The following MTMR3 variants were observed in gnomAD, a reference collection of about 807,000 sequenced individuals.
The protein encoded by MTMR3 is myotubularin related protein 3.
Under a neutral mutation model 132.4 loss-of-function variants are expected in MTMR3, and 32 were observed. The ratio of observed to expected loss-of-function variants is 0.24; its 90% CI spans 0.18 to 0.32. The LOEUF (loss-of-function observed/expected upper bound fraction) is 0.32. Among genes scored for constraint, MTMR3 ranks in the 10% least tolerant of loss-of-function variants. MTMR3 has a pLI of 1.00. For missense variants in MTMR3, 1,216 were observed against 1,489.6 expected, an observed-to-expected ratio of 0.82 and a Z score of 3.02; for synonymous variants, 556 against 550.3, an observed-to-expected ratio of 1.01 and a Z score of -0.14.
chr22:29,908,823 T>C (rs1319533636), intron 1 of MTMR3, among the ~76,000 whole-genome samples: 1 of 152,242 alleles, frequency 6.6e-6, no homozygotes, highest in Non-Finnish European at 1.5e-5. Flanking sequence ...TGCTTTTAGC[T>C]ATTTGCTGTA....
At chr22:30,023,360 A>C (rs1267804788) in intron 19 of MTMR3, 4 of 1,224,912 alleles carry the variant, frequency 3.3e-6, no homozygotes, top group Non-Finnish European at 3.6e-6. Flanking sequence ...TTTGCCTAGT[A>C]ATGATGCTTC....
chr22:29,915,191 G>A (rs536130983), intron 1 of MTMR3, among the ~76,000 whole-genome samples: 1 of 152,252 alleles, frequency 6.6e-6, no homozygotes, highest in South Asian at 2.1e-4. Context: ...TGTCTTCTCA[G>A]TAAATTCATT....
At chr22:29,986,501 TG>T (rs1044557423) in intron 5 of MTMR3, 8 of 607,614 alleles carry the variant, frequency 1.3e-5, no homozygotes, top group Admixed American at 1.6e-4. Flanking sequence ...TAGGTTTGTT[TG>T]TTTTTTTTTT....
intron 2 of MTMR3, among the ~76,000 whole-genome samples, chr22:29,969,916 G>A (rs2066499922): frequency 6.6e-6 from 1 of 152,120 alleles, no homozygotes; most frequent in Admixed American, 6.5e-5. Context: ...CTGCTTTTAT[G>A]TTCTCTTGTT....
intron 2 of MTMR3, among the ~76,000 whole-genome samples, chr22:29,962,894 CCTTT>C (rs1422607882): frequency 6.6e-6 from 1 of 150,660 alleles, no homozygotes; most frequent in Non-Finnish European, 1.5e-5. Context: ...GTACTTCATT[CCTTT>C]CTCTCTTTTT....
Position 30,020,871 on chromosome 22 carries a change from T to G in MTMR3, c.3212T>G (p.Phe1071Cys), listed in dbSNP as rs775446395. 1 of 1,591,284 alleles carries G rather than the reference T, an allele frequency of 6.3e-7. No homozygotes were observed. Among genetic ancestry groups the G allele is most frequent in the Admixed American group, 1.8e-5 (1 of 56,164 alleles). ...LTSSLHFNGD[F>C]GDEVTSIPDS... ...AGCTCCCTACACTTTAATGGAGACT[T>G]TGGGGATGAGGTGGTGAGTAGGCTG... Residue 1071 changes from phenylalanine to cysteine, a missense_variant, in exon 17 of 20, where the codon TTT becomes TGT. This residue lies in a region of MTMR3 where 852 missense variants were observed against 852.0 expected (regional missense o/e 1.00). Transcript: ENST00000401950.
chr22:29,987,753 A>T (rs1406914624), intron 5 of MTMR3: 2 of 152,176 alleles, frequency 1.3e-5, no homozygotes, highest in African/African-American at 4.8e-5. Context: ...GCAAGGGGGA[A>T]CCATTCCAGC....
At chr22:29,939,631 T>C (rs1314075303) in intron 1 of MTMR3, among the ~76,000 whole-genome samples, 1 of 151,816 alleles carries the variant, frequency 6.6e-6, no homozygotes, top group African/African-American at 2.4e-5. Flanking sequence ...ACTTTCTATA[T>C]GTATGAAGGT....
intron 9 of MTMR3, chr22:30,006,843 A>C (rs2067282908): frequency 5.1e-6 from 2 of 390,542 alleles, no homozygotes; most frequent in Non-Finnish European, 9.6e-6. Context: ...TTGCAGAGTG[A>C]GCCTCCATGC....
intron 2 of MTMR3, among the ~76,000 whole-genome samples, chr22:29,960,582 G>A (rs1158751374): frequency 1.3e-5 from 2 of 152,198 alleles, no homozygotes; most frequent in South Asian, 2.1e-4. Flanking sequence ...GTATGTACAT[G>A]TACATACTAA....
chr22:30,024,450 C>T (rs923525928), intron 19 of MTMR3: 2 of 152,202 alleles, frequency 1.3e-5, no homozygotes, highest in Admixed American at 6.5e-5. Flanking sequence ...GAACTAGTTA[C>T]GAAGTACAGC....
chr22:29,991,761 C>A, intron 7 of MTMR3, 91 bp downstream of exon 7: 1 of 1,315,844 alleles, frequency 7.6e-7, no homozygotes, highest in Non-Finnish European at 1.0e-6. Context: ...CCTAAGCATT[C>A]ATATATCAAT....
intron 1 of MTMR3, among the ~76,000 whole-genome samples, chr22:29,947,095 C>T (rs1241087450): frequency 6.6e-6 from 1 of 152,168 alleles, no homozygotes; most frequent in Admixed American, 6.5e-5. Context: ...AACATATATA[C>T]ATGTTCTGAC....
Position 30,019,593 on chromosome 22 carries a change from G to T in MTMR3, c.1934G>T (p.Arg645Leu), listed in dbSNP as rs377697724. ...PSLNEKWQEH[R>L]RSLELSSLAG... ...CTGAACGAGAAGTGGCAGGAGCACCGGCGCTCACTAGAGCTGAGCAGCCTG... is the reference window on the plus strand; with the variant it reads ...CTGAACGAGAAGTGGCAGGAGCACCTGCGCTCACTAGAGCTGAGCAGCCTG... The change falls in exon 17 of 20, where the codon CGG becomes CTG. Residue 645 changes from arginine to leucine, a missense_variant. Arg to Leu is a moderately radical substitution (Grantham distance 102). Transcript: ENST00000401950. 8 of 1,613,754 alleles carry T rather than the reference G, an allele frequency of 5.0e-6. No homozygotes were observed. In the East Asian group the frequency reaches 1.8e-4, roughly 36 times the overall value.
intron 1 of MTMR3, among the ~76,000 whole-genome samples, chr22:29,919,034 T>A (rs536043416): frequency 6.6e-6 from 1 of 152,314 alleles, no homozygotes; most frequent in South Asian, 2.1e-4. Flanking sequence ...CCTGAGCCAT[T>A]TCACCCCAGC....
intron 1 of MTMR3, among the ~76,000 whole-genome samples, chr22:29,883,717 C>G (rs1345584794): frequency 6.6e-6 from 1 of 152,194 alleles, no homozygotes; most frequent in Non-Finnish European, 1.5e-5. Flanking sequence ...GTTATTCCCA[C>G]GAACTCCCGG....
intron 3 of MTMR3, among the ~76,000 whole-genome samples, chr22:29,976,274 A>G (rs1196999502): frequency 1.3e-5 from 2 of 152,124 alleles, no homozygotes; most frequent in Non-Finnish European, 2.9e-5. Flanking sequence ...AACTAATACT[A>G]TCTTTTGTTG....
chr22:29,924,437 C>T (rs1569006584), intron 1 of MTMR3, among the ~76,000 whole-genome samples: 2 of 151,326 alleles, frequency 1.3e-5, no homozygotes, highest in Non-Finnish European at 3.0e-5. Context: ...ATTTTTATGC[C>T]AGTTTCCTCA....
At chr22:29,919,313 A>G (rs1825179905) in intron 1 of MTMR3, among the ~76,000 whole-genome samples, 1 of 152,272 alleles carries the variant, frequency 6.6e-6, no homozygotes, top group Admixed American at 6.5e-5. Flanking sequence ...AAAGTAAATG[A>G]CATTTTGTCT....
Sources: gnomAD v4.1 joint callset for allele counts (sites outside exome capture counted in the v4.1 genomes callset) on GRCh38, gnomAD v4.1.1 for gene constraint, gnomAD v4.1.1 regional missense constraint, MANE v1.5 for transcripts, NCBI Gene and HGNC (gene_info 2026-07-23, HGNC 2026-07-21) for gene names.